Variants in SFRP1 observed in about 807,000 individuals in gnomAD.
SFRP1 encodes the protein secreted frizzled-related protein 1.
In SFRP1, 9 loss-of-function variants were observed where a neutral mutation model predicts 25.9. The ratio of observed to expected loss-of-function variants is 0.35; its 90% CI spans 0.21 to 0.61. The LOEUF (loss-of-function observed/expected upper bound fraction) is 0.61, where lower values mean the gene tolerates loss of function less well. SFRP1 is among the 20% of genes least tolerant of loss of function. The probability of loss-of-function intolerance (pLI) is 0.78; values close to 1 mark genes in which losing one functional copy is unlikely to be tolerated. For synonymous variants in SFRP1, 178 were observed against 174.0 expected (o/e 1.02, Z -0.18); for missense variants, 346 against 418.2 (o/e 0.83, Z 1.51).
intron 2 of SFRP1, among the ~76,000 whole-genome samples, chr8:41,266,370 A>G (rs188114491): frequency 1.4e-4 from 22 of 152,236 alleles, no homozygotes; most frequent in African/African-American, 4.6e-4. Flanking sequence ...AACCCAATTT[A>G]CTCCACATGA....
chr8:41,273,758 G>A (rs893256498), intron 2 of SFRP1, among the ~76,000 whole-genome samples: 1 of 152,142 alleles, frequency 6.6e-6, no homozygotes, highest in Non-Finnish European at 1.5e-5. Flanking sequence ...TTAGGTGTCA[G>A]CTTGGATTGA....
chr8:41,280,797 A>C (rs1803626038), intron 2 of SFRP1, among the ~76,000 whole-genome samples: 1 of 152,166 alleles, frequency 6.6e-6, no homozygotes, highest in South Asian at 2.1e-4. Context: ...TGGATGGGCA[A>C]AGACTCAGGG....
At chr8:41,275,868 T>G (rs1803565739) in intron 2 of SFRP1, among the ~76,000 whole-genome samples, 1 of 152,200 alleles carries the variant, frequency 6.6e-6, no homozygotes, top group Non-Finnish European at 1.5e-5. Flanking sequence ...AGTGTCAGCC[T>G]CCTGAGGAGC....
intron 2 of SFRP1, among the ~76,000 whole-genome samples, chr8:41,302,495 G>A (rs1803935828): frequency 6.6e-6 from 1 of 152,178 alleles, no homozygotes; most frequent in Non-Finnish European, 1.5e-5. Flanking sequence ...CGCTTTTCCA[G>A]ATAAGAATTC....
At chr8:41,267,040 T>C (rs1431480222) in intron 2 of SFRP1, among the ~76,000 whole-genome samples, 1 of 152,236 alleles carries the variant, frequency 6.6e-6, no homozygotes, top group Non-Finnish European at 1.5e-5. Context: ...GCAGCACTAA[T>C]GTTCTGCCAA....
intron 2 of SFRP1, among the ~76,000 whole-genome samples, chr8:41,303,058 A>G (rs2117519281): frequency 6.6e-6 from 1 of 151,086 alleles, no homozygotes; most frequent in East Asian, 1.9e-4. Context: ...ATGTTAAAAA[A>G]AAAAAAAAAA....
chr8:41,291,828 G>A (rs1005201264), intron 2 of SFRP1, among the ~76,000 whole-genome samples: 1 of 152,158 alleles, frequency 6.6e-6, no homozygotes, highest in Non-Finnish European at 1.5e-5. Context: ...ACCATGAGGA[G>A]CAGCACAAAG....
intron 1 of SFRP1, among the ~76,000 whole-genome samples, chr8:41,306,153 G>A (rs937952406): frequency 6.8e-6 from 1 of 146,422 alleles, no homozygotes; most frequent in East Asian, 2.1e-4. Context: ...TCTATGGCTT[G>A]GGTATCAGCC....
At chr8:41,305,204 T>C (rs1367846698) in intron 1 of SFRP1, among the ~76,000 whole-genome samples, 1 of 152,196 alleles carries the variant, frequency 6.6e-6, no homozygotes, top group East Asian at 1.9e-4. Context: ...CAAACACACA[T>C]AGCAACGTTC....
chr8:41,296,429 G>A (rs986833338), intron 2 of SFRP1, among the ~76,000 whole-genome samples: 13 of 151,476 alleles, frequency 8.6e-5, no homozygotes, highest in African/African-American at 2.7e-4. Flanking sequence ...CTTCCAAAGC[G>A]AAGGCATGTT....
Position 41,265,112 on chromosome 8 carries a change from T to TGCCCCCCCCCCCCCCCCCCCCCCCC in SFRP1, c.*54_*55insGGGGGGGGGGGGGGGGGGGGGGGGC. 1.9e-6 allele frequency: 1 copy of TGCCCCCCCCCCCCCCCCCCCCCCCC among 517,774 alleles called. No individual in the cohort carries two copies. Among genetic ancestry groups the TGCCCCCCCCCCCCCCCCCCCCCCCC allele is most frequent in the African/African-American group, 2.0e-5 (1 of 50,660 alleles). The allele number at this position is 517,774 out of a possible 1,614,324, so 32.1% of individuals were successfully genotyped here. ...GACCCACCGGGTTCCCGGGGCACTG[T>TGCCCCCCCCCCCCCCCCCCCCCCCC]CCCCCCCGCTCCCACCCCACCCGAG... On this transcript the variant is annotated 3_prime_UTR_variant, in exon 3 of 3. Coordinates refer to ENST00000220772, the MANE Select transcript of SFRP1 (RefSeq NM_003012.5).
intron 2 of SFRP1, among the ~76,000 whole-genome samples, chr8:41,302,300 T>C (rs1213948671): frequency 6.6e-6 from 1 of 152,202 alleles, no homozygotes. Flanking sequence ...TCATCCACAA[T>C]TGCAATACCC....
chr8:41,278,823 G>A (rs1803601515), intron 2 of SFRP1, among the ~76,000 whole-genome samples: 1 of 152,196 alleles, frequency 6.6e-6, no homozygotes, highest in African/African-American at 2.4e-5. Flanking sequence ...GGGGGCTGCT[G>A]GCCCCTTTGC....
chr8:41,294,936 T>C (rs755972710), intron 2 of SFRP1, among the ~76,000 whole-genome samples: 1 of 152,148 alleles, frequency 6.6e-6, no homozygotes, highest in African/African-American at 2.4e-5. Flanking sequence ...CTACCCACAA[T>C]CATCTTTAAA....
intron 1 of SFRP1, among the ~76,000 whole-genome samples, chr8:41,304,727 G>A (rs1478754946): frequency 1.3e-5 from 2 of 152,034 alleles, no homozygotes; most frequent in African/African-American, 4.8e-5. Context: ...AAGAGAAGAG[G>A]GGACCTGCAG....
chr8:41,265,275 G>A lies in SFRP1; in HGVS notation c.837C>T (p.Tyr279=), dbSNP rs1332196552. The change falls in exon 3 of 3, where the codon TAC becomes TAT. Residue 279 remains tyrosine (Y), a synonymous_variant. Coordinates refer to ENST00000220772, the MANE Select transcript of SFRP1 (RefSeq NM_003012.5). ...CCCACTTGTGGATGGCCGTCAGCAA[G>A]TACTGGCTCTTCACCTTGCGGCCCA... is the stretch of plus-strand genomic sequence containing the variant. ...LIMGRKVKSQ[Y]LLTAIHKWDK... 1 of 1,614,200 alleles carries A rather than the reference G, an allele frequency of 6.2e-7. No homozygotes were observed. The highest frequency in any genetic ancestry group is 1.7e-5 in the Admixed American group (1 of 60,026).
intron 2 of SFRP1, among the ~76,000 whole-genome samples, chr8:41,297,867 TAA>T (rs1803863944): frequency 6.6e-6 from 1 of 151,914 alleles, no homozygotes; most frequent in Non-Finnish European, 1.5e-5. Context: ...CTACAAACCC[TAA>T]GAGTAAAGGA....
intron 2 of SFRP1, among the ~76,000 whole-genome samples, chr8:41,298,560 C>A (rs34328499): frequency 0.24 from 36,226 of 151,896 alleles, 4,447 homozygotes; most frequent in Non-Finnish European, 0.28. Flanking sequence ...GTGCATGACA[C>A]CATGCCCAGT....
At chr8:41,267,113 G>A (rs2117477412) in intron 2 of SFRP1, among the ~76,000 whole-genome samples, 1 of 152,308 alleles carries the variant, frequency 6.6e-6, no homozygotes. Context: ...AGCAAGTTCT[G>A]GTGAAGTCCT....
Sources: gnomAD v4.1 joint callset for allele counts (sites outside exome capture counted in the v4.1 genomes callset) on GRCh38, gnomAD v4.1.1 for gene constraint, MANE v1.5 for transcripts, NCBI Gene and HGNC (gene_info 2026-07-23, HGNC 2026-07-21) for gene names.